Variants in DTL observed in about 807,000 individuals in gnomAD.
The protein encoded by DTL is denticleless E3 ubiquitin protein ligase adapter.
DTL carries 46 observed loss-of-function variants against 87.0 expected under a neutral mutation model. That is an observed-to-expected ratio of 0.53 (90% confidence interval 0.42 to 0.68). The LOEUF is 0.68. Ranked by LOEUF, DTL falls within the 30% of genes least tolerant of loss-of-function variation. The pLI, the probability that DTL is intolerant of heterozygous loss-of-function variation, is 0.00. For missense variants in DTL, 737 were observed against 869.4 expected, an observed-to-expected ratio of 0.85 and a Z score of 1.91; for synonymous variants, 308 against 311.2, an observed-to-expected ratio of 0.99 and a Z score of 0.11.
rs1558081238 is a variant in DTL at position 212,068,626 on chromosome 1, C to T, written c.845C>T (p.Thr282Ile). 1.2e-6 allele frequency: 2 copies of T among 1,613,080 alleles called. No individual in the cohort carries two copies. The highest frequency in any genetic ancestry group is 1.7e-6 in the Non-Finnish European group (2 of 1,179,310). The change falls in exon 10 of 15, where the codon ACT becomes ATT. Residue 282 changes from threonine (T) to isoleucine (I), a missense_variant. Physicochemically the swap from Thr to Ile is moderately conservative, Grantham distance 89. Coordinates refer to ENST00000366991, the MANE Select transcript of DTL (RefSeq NM_016448.4). ...TATTCAAGTCTGATTTTGGATTCCACTGGCTCTACTTTATTTGCTAATTGC... is the reference window on the plus strand; with the variant it reads ...TATTCAAGTCTGATTTTGGATTCCATTGGCTCTACTTTATTTGCTAATTGC... ...LGYSSLILDS[T>I]GSTLFANCTD... is the part of the protein sequence containing the mutation.
chr1:212,098,098 A>C (rs1655503366), intron 13 of DTL, among the ~76,000 whole-genome samples: 1 of 152,168 alleles, frequency 6.6e-6, no homozygotes, highest in African/African-American at 2.4e-5. Flanking sequence ...TATGCCATGG[A>C]TACTAGCACC....
rs767619478 is a variant in DTL, at chr1:212,035,985, A to G, written c.52+43A>G. On this transcript the variant is annotated intron_variant, in intron 1 of 14. Transcript: ENST00000366991. ...CCGCTGCTCGGAGCTGGCGGAATTC[A>G]TTTCCCCCGAAACACACGCCACCTC... is the stretch of plus-strand genomic sequence containing the variant. The G allele has an allele frequency of 4.4e-6, 7 of 1,601,286 alleles. 1 individual carries two copies. The highest frequency in any genetic ancestry group is 2.2e-5 in the South Asian group (2 of 90,692).
intron 11 of DTL, among the ~76,000 whole-genome samples, chr1:212,076,373 T>C (rs1460559719): frequency 6.6e-6 from 1 of 152,170 alleles, no homozygotes; most frequent in Admixed American, 6.5e-5. Context: ...TTCCAAAATG[T>C]TTTTCTAATG....
At chr1:212,077,805 T>C in intron 11 of DTL, 1 of 172,662 alleles carries the variant, frequency 5.8e-6, no homozygotes, top group Non-Finnish European at 1.2e-5. Flanking sequence ...AGTTGACTAC[T>C]TAAGGATGGA....
chr1:212,094,287 A>T (rs539023980), intron 13 of DTL, among the ~76,000 whole-genome samples: 1 of 152,210 alleles, frequency 6.6e-6, no homozygotes, highest in African/African-American at 2.4e-5. Context: ...ATAAGGTGAG[A>T]GATGAGGATC....
At chr1:212,061,347 A>G (rs768723923) in intron 5 of DTL, among the ~76,000 whole-genome samples, 53 of 152,242 alleles carry the variant, frequency 3.5e-4, no homozygotes, top group Non-Finnish European at 6.5e-4. Context: ...CAACATGACT[A>G]ATAACCACAG....
intron 1 of DTL, among the ~76,000 whole-genome samples, chr1:212,041,806 G>A (rs554928256): frequency 1.3e-5 from 2 of 152,226 alleles, no homozygotes; most frequent in South Asian, 2.1e-4. Flanking sequence ...GACCGCGCCC[G>A]GCCTATTGCA....
At chr1:212,059,702 T>C (rs1003282267) in intron 5 of DTL, among the ~76,000 whole-genome samples, 15 of 141,106 alleles carry the variant, frequency 1.1e-4, no homozygotes, top group African/African-American at 3.9e-4. Context: ...AAGTAAAAAG[T>C]ATCCAAACTG....
intron 5 of DTL, among the ~76,000 whole-genome samples, chr1:212,047,804 AGGATCACAGGC>A (rs1165136003): frequency 6.6e-6 from 1 of 152,188 alleles, no homozygotes; most frequent in Non-Finnish European, 1.5e-5. Flanking sequence ...CCAAAGTGCT[AGGATCACAGGC>A]GTGAGCCGCT....
At chr1:212,036,576 T>TA (rs1183210982) in intron 1 of DTL, among the ~76,000 whole-genome samples, 3 of 152,262 alleles carry the variant, frequency 2.0e-5, no homozygotes, top group African/African-American at 7.2e-5. Flanking sequence ...CTAGAGGTAA[T>TA]ACCTATTATT....
chr1:212,051,737 A>G (rs1226118334), intron 5 of DTL: 21 of 1,100,594 alleles, frequency 1.9e-5, no homozygotes, highest in Non-Finnish European at 2.7e-5. Flanking sequence ...CAATACGCAC[A>G]TTAATTCTCT....
chr1:212,091,823 T>C (rs1249517259), intron 13 of DTL, among the ~76,000 whole-genome samples: 7 of 152,230 alleles, frequency 4.6e-5, no homozygotes, highest in Admixed American at 2.0e-4. Context: ...CAAAAATATA[T>C]GAAGTGATGT....
chr1:212,078,090 T>G, intron 11 of DTL, 83 bp from the exon 12 acceptor site: 1 of 847,442 alleles, frequency 1.2e-6, no homozygotes, highest in Non-Finnish European at 2.0e-6. Context: ...TAAAGCTCTC[T>G]AAGACACACT....
intron 5 of DTL, among the ~76,000 whole-genome samples, chr1:212,058,880 A>G (rs532495621): frequency 2.6e-5 from 4 of 152,316 alleles, no homozygotes; most frequent in Admixed American, 2.6e-4. Context: ...ACAGAAATAC[A>G]AAAGATCATC....
intron 5 of DTL, among the ~76,000 whole-genome samples, chr1:212,057,768 T>G (rs1227834454): frequency 1.3e-5 from 2 of 152,158 alleles, no homozygotes; most frequent in Non-Finnish European, 2.9e-5. Context: ...TGTTAAACTT[T>G]CCATTTGAAA....
chr1:212,069,737 G>T (rs544979294), intron 10 of DTL, among the ~76,000 whole-genome samples: 1 of 151,980 alleles, frequency 6.6e-6, no homozygotes, highest in South Asian at 2.1e-4. Context: ...GTAAAGGCAG[G>T]GTTTCACCTT....
chr1:212,044,963 C>T (rs1287766398), intron 3 of DTL, among the ~76,000 whole-genome samples: 1 of 152,174 alleles, frequency 6.6e-6, no homozygotes, highest in Non-Finnish European at 1.5e-5. Flanking sequence ...AGGCCTCAGG[C>T]TGCCCCCACT....
chr1:212,079,199 T>C (rs1472866408), intron 12 of DTL, among the ~76,000 whole-genome samples: 1 of 152,122 alleles, frequency 6.6e-6, no homozygotes, highest in East Asian at 1.9e-4. Flanking sequence ...AATTACATAT[T>C]AATGATATTT....
intron 11 of DTL, among the ~76,000 whole-genome samples, chr1:212,075,721 TTCATATAACATATAATTCA>T (rs1484494182): frequency 2.2e-4 from 34 of 152,172 alleles, no homozygotes; most frequent in Non-Finnish European, 1.8e-4. Flanking sequence ...TCAGATAGAA[TTCATATAACATATAATTCA>T]CCATTTTAGT....
Sources: allele counts gnomAD v4.1 joint callset (sites outside exome capture counted in the v4.1 genomes callset), GRCh38; gene constraint gnomAD v4.1.1; transcripts MANE v1.5; gene names NCBI Gene and HGNC (gene_info 2026-07-23, HGNC 2026-07-21).